Variants in PRPS2 observed in about 807,000 individuals in gnomAD.
PRPS2 encodes phosphoribosyl pyrophosphate synthetase 2.
For missense variants in PRPS2, 104 were observed against 271.5 expected (o/e 0.38, Z 4.34); for synonymous variants, 111 against 115.3 (o/e 0.96, Z 0.24).
chrX:12,805,237 G>A lies in PRPS2; in HGVS notation c.307-3997G>A, dbSNP rs750142722. Among the ~76,000 whole-genome samples the A allele has an allele frequency of 4.4e-5, 5 of 112,454 alleles. No homozygotes were observed. The South Asian group carries it at 1.5e-3, about 33-fold the overall frequency. On this transcript the variant is annotated intron_variant, in intron 2 of 6. Transcript: ENST00000380668. Reference sequence around the variant, plus strand: ...ATGGTGCCAAGTGGTCTGAGCTCTGGCACTGAGAATCAAGTAGGCTCAGAT... The same window carrying A: ...ATGGTGCCAAGTGGTCTGAGCTCTGACACTGAGAATCAAGTAGGCTCAGAT...
At chrX:12,792,056 G>A (rs1759266765) in intron 1 of PRPS2, among the ~76,000 whole-genome samples, 1 of 113,203 alleles carries the variant, frequency 8.8e-6, no homozygotes, top group African/African-American at 3.2e-5. Flanking sequence ...CCCAGTTTCC[G>A]CGTCCCTACA....
chrX:12,801,218 G>A lies in PRPS2; in HGVS notation c.306+1828G>A, dbSNP rs777979954. On this transcript the variant is annotated intron_variant, in intron 2 of 6. Transcript: ENST00000380668. ...ATTAGACCATTGATAGATTGCGTGC[G>A]CACGTGTGTGTGTGTGTGTGTGTGT... Among the ~76,000 whole-genome samples the A allele has an allele frequency of 1.8e-3, 157 of 88,342 alleles. 1 individual carries two copies. Among genetic ancestry groups the A allele is most frequent in the Middle Eastern group, 0.011 (2 of 183 alleles). 76.7% of individuals were successfully genotyped at this position (88,342 alleles called of 115,157 possible). A position where few individuals can be genotyped will look rare whatever the true frequency, so the allele number is the denominator to read the frequency against.
chrX:12,821,056 G>A (rs957096596), intron 6 of PRPS2, among the ~76,000 whole-genome samples: 8 of 112,445 alleles, frequency 7.1e-5, no homozygotes, highest in African/African-American at 2.6e-4. Flanking sequence ...GAAACGGGTT[G>A]TGCTAAAGCT....
chrX:12,809,453 A>G, intron 3 of PRPS2, 121 bp downstream of exon 3: 1 of 706,129 alleles, frequency 1.4e-6, no homozygotes, highest in Non-Finnish European at 2.1e-6. Flanking sequence ...GTCTTTACTA[A>G]ACTTGAAAAT....
intron 1 of PRPS2, 96 bp downstream of exon 1, chrX:12,791,715 G>A: frequency 1.3e-6 from 1 of 786,911 alleles, no homozygotes. Flanking sequence ...CACCTCCGCG[G>A]ACGCCGCGCT....
At chrX:12,809,209 A>G (rs780199338) in intron 2 of PRPS2, 25 bp from the exon 3 acceptor site, 1 of 1,178,580 alleles carries the variant, frequency 8.5e-7, no homozygotes, top group Non-Finnish European at 1.1e-6. Context: ...TTTTCCTGTT[A>G]TAAAATTAAT....
intron 4 of PRPS2, chrX:12,810,377 A>G (rs2147220547): frequency 2.9e-6 from 1 of 341,913 alleles, no homozygotes; most frequent in East Asian, 4.5e-5. Flanking sequence ...ATAGGTATAT[A>G]TTGGTTTATT....
intron 1 of PRPS2, among the ~76,000 whole-genome samples, chrX:12,791,829 G>T (rs1469131246): frequency 8.9e-6 from 1 of 111,955 alleles, no homozygotes; most frequent in Non-Finnish European, 1.9e-5. Flanking sequence ...GCGCGCCTCG[G>T]CTGTGCCCCC....
intron 2 of PRPS2, among the ~76,000 whole-genome samples, chrX:12,802,586 G>A (rs770790694): frequency 4.5e-5 from 5 of 111,693 alleles, no homozygotes; most frequent in Non-Finnish European, 5.6e-5. Flanking sequence ...TGATCTGCCC[G>A]CCTCAGCCTC....
At position 12,810,151 on chromosome X, in the gene PRPS2, C is replaced by G. The variant is rs200161418; in HGVS notation, c.530+5C>G. On this transcript the variant is annotated splice_donor_5th_base_variant and intron_variant, in intron 4 of 6. Coordinates refer to ENST00000380668, the MANE Select transcript of PRPS2 (RefSeq NM_002765.5). ...TGACGCAGGGGGAGCCAAAAGGTAT[C>G]ATGCAGGCTACACCTTGCAGATTTC... 1 of 1,210,170 alleles carries G rather than the reference C, an allele frequency of 8.3e-7. No individual in the cohort carries two copies. The highest frequency in any genetic ancestry group is 3.0e-5 in the East Asian group (1 of 33,762).
intron 4 of PRPS2, among the ~76,000 whole-genome samples, chrX:12,815,325 C>A (rs1371115700): frequency 9.0e-6 from 1 of 110,702 alleles, no homozygotes; most frequent in South Asian, 3.8e-4. Context: ...CTGCTGTCTG[C>A]TTGTGAGCAG....
chrX:12,813,457 G>A (rs760690904), intron 4 of PRPS2, among the ~76,000 whole-genome samples: 13 of 112,465 alleles, frequency 1.2e-4, no homozygotes, highest in Non-Finnish European at 1.7e-4. Context: ...CGAGTCAAAA[G>A]GCATGAGCCA....
Position 12,820,762 on chromosome X carries a change from A to G in PRPS2, c.823A>G (p.Ile275Val), listed in dbSNP as rs1253839753. 8.3e-7 allele frequency: 1 copy of G among 1,211,438 alleles called. No homozygotes were observed. The highest frequency in any genetic ancestry group is 1.1e-6 in the Non-Finnish European group (1 of 895,533). Residue 275 changes from isoleucine to valine, a missense_variant, in exon 6 of 7, where the codon ATT becomes GTT. Coordinates refer to ENST00000380668, the MANE Select transcript of PRPS2 (RefSeq NM_002765.5). ...AFEAVVVTNT[I>V]PQEDKMKHCT... The stretch of plus-strand genomic sequence containing the variant: ...TGAGGCTGTTGTCGTCACAAACACA[A>G]TTCCGCAAGAGGACAAAATGAAACA...
chrX:12,820,809 G>T lies in PRPS2; in HGVS notation c.864+6G>T. On this transcript the variant is annotated splice_donor_region_variant and intron_variant, in intron 6 of 6. Transcript: ENST00000380668. The stretch of plus-strand genomic sequence containing the variant: ...AACACTGCACCAAGATTCAGGTACT[G>T]TCTATACACCAAAGGCAGCCAAGCA... 1 of 1,208,822 alleles carries T rather than the reference G, an allele frequency of 8.3e-7. No individual in the cohort carries two copies. Among genetic ancestry groups the T allele is most frequent in the Non-Finnish European group, 1.1e-6 (1 of 893,932 alleles).
chrX:12,808,511 AC>A (rs909351234), intron 2 of PRPS2, among the ~76,000 whole-genome samples: 1 of 112,439 alleles, frequency 8.9e-6, no homozygotes, highest in Non-Finnish European at 1.9e-5. Flanking sequence ...TGATGTGGAA[AC>A]CAAAGCTATA....
intron 1 of PRPS2, among the ~76,000 whole-genome samples, chrX:12,793,183 C>T (rs1236268211): frequency 8.9e-6 from 1 of 112,254 alleles, no homozygotes; most frequent in Non-Finnish European, 1.9e-5. Flanking sequence ...CAGAAGGTGT[C>T]GTCATATAAG....
intron 2 of PRPS2, among the ~76,000 whole-genome samples, chrX:12,800,058 G>A (rs868211872): frequency 2.7e-5 from 3 of 112,207 alleles, no homozygotes; most frequent in Non-Finnish European, 5.6e-5. Context: ...CAGAGAAATC[G>A]GAGGTTGAGA....
In PRPS2 at chrX:12,810,092, T is replaced by C; in HGVS notation, c.476T>C (p.Ile159Thr). The C allele has an allele frequency of 1.7e-6, 2 of 1,212,045 alleles. No individual in the cohort carries two copies. Among genetic ancestry groups the C allele is most frequent in the Non-Finnish European group, 2.2e-6 (2 of 895,477 alleles). The change falls in exon 4 of 7, where the codon ATT (isoleucine) becomes ACT (threonine). Residue 159 changes from isoleucine to threonine, a missense_variant. Physicochemically the swap from Ile to Thr is moderately conservative, Grantham distance 89. Coordinates refer to ENST00000380668, the MANE Select transcript of PRPS2 (RefSeq NM_002765.5). ...GTCCTGCAGTGGATTCGGGAAAACA[T>C]TGCCGAGTGGAAGAACTGTATCATT... ...PAVLQWIREN[I>T]AEWKNCIIVS...
chrX:12,818,381 AAAAG>A (rs1420947389), intron 4 of PRPS2, among the ~76,000 whole-genome samples: 38 of 107,044 alleles, frequency 3.5e-4, no homozygotes, highest in Admixed American at 1.3e-3. Context: ...AAAAAAAAAA[AAAAG>A]AAAAGAAAAG....
Sources: allele counts gnomAD v4.1 joint callset (sites outside exome capture counted in the v4.1 genomes callset), GRCh38; gene constraint gnomAD v4.1.1; transcripts MANE v1.5; gene names NCBI Gene and HGNC (gene_info 2026-07-23, HGNC 2026-07-21).